Variants in JAZF1 observed in about 807,000 individuals in gnomAD.
JAZF1 encodes the protein juxtaposed with another zinc finger protein 1.
A neutral mutation model predicts 26.4 loss-of-function variants in JAZF1; 8 were observed. The observed-to-expected ratio is 0.30, with a 90% CI of 0.18 to 0.55. The LOEUF (loss-of-function observed/expected upper bound fraction) is 0.55, where lower values mean the gene tolerates loss of function less well. JAZF1 is among the 20% of genes least tolerant of loss of function. The pLI, the probability that JAZF1 is intolerant of heterozygous loss-of-function variation, is 0.94. For synonymous variants in JAZF1, 126 were observed against 122.3 expected (o/e 1.03, Z -0.20); for missense variants, 199 against 322.0 (o/e 0.62, Z 2.92).
chr7:28,066,932 T>C (rs1432729235), intron 1 of JAZF1, among the ~76,000 whole-genome samples: 1 of 152,160 alleles, frequency 6.6e-6, no homozygotes, highest in Non-Finnish European at 1.5e-5. Flanking sequence ...CTTCTGCTCA[T>C]CCAGAGCCAA....
chr7:28,001,801 G>T (rs1786167560), intron 1 of JAZF1, among the ~76,000 whole-genome samples: 1 of 152,052 alleles, frequency 6.6e-6, no homozygotes, highest in Admixed American at 6.5e-5. Context: ...ACCAGTGGTG[G>T]CAGGGAGGAC....
chr7:28,154,525 C>A (rs1003799253), intron 1 of JAZF1, among the ~76,000 whole-genome samples: 1 of 152,152 alleles, frequency 6.6e-6, no homozygotes, highest in Non-Finnish European at 1.5e-5. Context: ...AATCAACCAA[C>A]TAACTAACCA....
intron 1 of JAZF1, among the ~76,000 whole-genome samples, chr7:28,138,387 G>A (rs1351562855): frequency 6.6e-6 from 1 of 152,206 alleles, no homozygotes; most frequent in Non-Finnish European, 1.5e-5. Context: ...GGAGGAGGCA[G>A]TTAGTATTAA....
intron 2 of JAZF1, chr7:27,913,402 A>G: frequency 2.2e-6 from 1 of 461,462 alleles, no homozygotes; most frequent in Non-Finnish European, 4.5e-6. Context: ...CTTTTGGACA[A>G]GTAGGACAGC....
At chr7:28,078,095 G>C (rs1206111798) in intron 1 of JAZF1, among the ~76,000 whole-genome samples, 5 of 152,100 alleles carry the variant, frequency 3.3e-5, no homozygotes. Flanking sequence ...TGCTGTGTTA[G>C]ATGAAAAAAA....
chr7:27,846,565 G>T lies in JAZF1; in HGVS notation c.386-5698C>A, dbSNP rs1461144491. ...CTCATTTTCTGTAGGTATATAACCAGAAGAGGGATTGTTGGGTCATATGGT... is the reference window on the plus strand; with the variant it reads ...CTCATTTTCTGTAGGTATATAACCATAAGAGGGATTGTTGGGTCATATGGT... On this transcript the variant is annotated intron_variant, in intron 3 of 4. Coordinates refer to ENST00000283928, the MANE Select transcript of JAZF1 (RefSeq NM_175061.4). 8.5e-6 allele frequency: 4 copies of T among 470,868 alleles called. No individual in the cohort carries two copies. The Admixed American group carries it at 9.4e-5, about 11-fold the overall frequency. 29.2% of individuals were successfully genotyped at this position (470,868 alleles called of 1,614,324 possible).
intron 1 of JAZF1, among the ~76,000 whole-genome samples, chr7:28,146,741 TG>T (rs1783034340): frequency 6.6e-6 from 1 of 152,250 alleles, no homozygotes; most frequent in Non-Finnish European, 1.5e-5. Flanking sequence ...CTAGTCATAC[TG>T]TTGCTGTTCT....
In JAZF1 at chr7:27,840,638, C is replaced by A; in HGVS notation, c.555+60G>T. 1 of 1,554,514 alleles carries A rather than the reference C, an allele frequency of 6.4e-7. No individual in the cohort carries two copies. The highest frequency in any genetic ancestry group is 8.8e-7 in the Non-Finnish European group (1 of 1,134,844). On this transcript the variant is annotated intron_variant, in intron 4 of 4. Coordinates refer to ENST00000283928, the MANE Select transcript of JAZF1 (RefSeq NM_175061.4). This position sits in a 1 kb window ranked among gnomAD's most constrained non-coding sequence, Gnocchi z 5.1. Reference sequence around the variant, plus strand: ...TTTAAAATCAAGAAAGGGCTGCTGCCTTCCATGAAGCTTGCCCTGTTTCCA... The same window carrying A: ...TTTAAAATCAAGAAAGGGCTGCTGCATTCCATGAAGCTTGCCCTGTTTCCA...
intron 2 of JAZF1, among the ~76,000 whole-genome samples, chr7:27,912,115 A>T (rs1583460389): frequency 1.1e-5 from 1 of 88,240 alleles, no homozygotes; most frequent in Non-Finnish European, 3.0e-5. Flanking sequence ...CTTTTATGCA[A>T]TAAGTAGCTC....
At chr7:28,056,478 TAAGA>T (rs1334008461) in intron 1 of JAZF1, among the ~76,000 whole-genome samples, 4 of 118,490 alleles carry the variant, frequency 3.4e-5, no homozygotes, top group Admixed American at 8.1e-5. Flanking sequence ...ACACACACAA[TAAGA>T]AAGAAATTCT....
intron 2 of JAZF1, among the ~76,000 whole-genome samples, chr7:27,921,677 C>T (rs1784531659): frequency 6.6e-6 from 1 of 152,098 alleles, no homozygotes; most frequent in African/African-American, 2.4e-5. Context: ...TCATCTTCAT[C>T]ATCATCGTAA....
At chr7:28,050,113 T>C (rs113010082) in intron 1 of JAZF1, among the ~76,000 whole-genome samples, 9 of 152,112 alleles carry the variant, frequency 5.9e-5, no homozygotes, top group African/African-American at 2.2e-4. Context: ...ACTCAGGAAA[T>C]TCCATGAGAT....
At chr7:28,170,889 C>T (rs965616066) in intron 1 of JAZF1, among the ~76,000 whole-genome samples, 3 of 152,196 alleles carry the variant, frequency 2.0e-5, no homozygotes, top group Non-Finnish European at 4.4e-5. Context: ...ATTTTCCTGG[C>T]TGTTCTTTGC....
At chr7:27,937,869 AG>A (rs1235520386) in intron 2 of JAZF1, among the ~76,000 whole-genome samples, 5 of 152,236 alleles carry the variant, frequency 3.3e-5, no homozygotes, top group Non-Finnish European at 7.3e-5. Context: ...AAATTCTTAC[AG>A]TCCTATCCCA....
At chr7:27,967,969 T>A (rs567436213) in intron 2 of JAZF1, among the ~76,000 whole-genome samples, 1 of 152,340 alleles carries the variant, frequency 6.6e-6, no homozygotes, top group African/African-American at 2.4e-5. Flanking sequence ...ATTCCACTTA[T>A]AATAATATAT....
At chr7:27,877,193 C>T (rs904364588) in intron 3 of JAZF1, among the ~76,000 whole-genome samples, 12 of 152,056 alleles carry the variant, frequency 7.9e-5, no homozygotes, top group African/African-American at 9.7e-5. Context: ...AGAGAGCTAG[C>T]GAAAAACACA....
chr7:28,150,609 T>C (rs1783097931), intron 1 of JAZF1, among the ~76,000 whole-genome samples: 1 of 152,168 alleles, frequency 6.6e-6, no homozygotes, highest in Non-Finnish European at 1.5e-5. Context: ...GGTCTGCACA[T>C]TTGGGCATGA....
chr7:27,874,095 T>C (rs957865411), intron 3 of JAZF1, among the ~76,000 whole-genome samples: 7 of 152,210 alleles, frequency 4.6e-5, no homozygotes, highest in Non-Finnish European at 7.3e-5. Flanking sequence ...ATGGTGGGAA[T>C]GAGTTCATCT....
At chr7:27,873,541 AC>A (rs939351891) in intron 3 of JAZF1, among the ~76,000 whole-genome samples, 5 of 152,178 alleles carry the variant, frequency 3.3e-5, no homozygotes, top group Middle Eastern at 3.4e-3. Flanking sequence ...CACTCAGCCC[AC>A]CCTCTACCCT....
Sources: gnomAD v4.1 joint callset for allele counts (sites outside exome capture counted in the v4.1 genomes callset) on GRCh38, gnomAD v4.1.1 for gene constraint, Gnocchi (gnomAD v3.1) non-coding constraint, MANE v1.5 for transcripts, NCBI Gene and HGNC (gene_info 2026-07-23, HGNC 2026-07-21) for gene names.